GHR: variants seen among roughly 807,000 people sequenced by gnomAD.
GHR encodes the protein GH receptor.
GHR carries 35 observed loss-of-function variants against 67.1 expected under a neutral mutation model. The ratio of observed to expected loss-of-function variants is 0.52; its 90% CI spans 0.40 to 0.69. The LOEUF is 0.69. Among genes scored for constraint, GHR ranks in the 30% least tolerant of loss-of-function variants. The probability of loss-of-function intolerance (pLI) is 0.00; values close to 1 mark genes in which losing one functional copy is unlikely to be tolerated. For synonymous variants in GHR, 272 were observed against 269.1 expected (o/e 1.01, Z -0.10); for missense variants, 792 against 764.6 (o/e 1.04, Z -0.42).
intron 4 of GHR, among the ~76,000 whole-genome samples, chr5:42,690,967 AT>A (rs1757394389): frequency 1.3e-5 from 2 of 152,226 alleles, no homozygotes; most frequent in African/African-American, 4.8e-5. Context: ...TATGAAAATA[AT>A]TTTTTGCTAC....
intron 2 of GHR, among the ~76,000 whole-genome samples, chr5:42,606,308 G>C (rs1752627154): frequency 6.6e-6 from 1 of 152,158 alleles, no homozygotes; most frequent in Admixed American, 6.5e-5. Flanking sequence ...AGTCCACTTA[G>C]TAATGCTATA....
chr5:42,640,824 CT>C (rs1333372915), intron 3 of GHR, among the ~76,000 whole-genome samples: 3 of 151,788 alleles, frequency 2.0e-5, no homozygotes, highest in Non-Finnish European at 4.4e-5. Context: ...AAATACAAAA[CT>C]TAATTTTGCG....
intron 8 of GHR, 23 bp from the exon 9 acceptor site, chr5:42,718,029 C>T: frequency 1.4e-6 from 2 of 1,416,640 alleles, no homozygotes; most frequent in South Asian, 1.1e-5. Flanking sequence ...GATGTCAAAA[C>T]CAAAATTTTA....
intron 2 of GHR, among the ~76,000 whole-genome samples, chr5:42,568,697 C>T (rs1750092647): frequency 1.3e-5 from 2 of 152,150 alleles, no homozygotes; most frequent in Admixed American, 1.3e-4. Flanking sequence ...GTAGTTCAGT[C>T]TAGCTGGGAC....
At chr5:42,461,426 T>C (rs1485540496) in intron 1 of GHR, among the ~76,000 whole-genome samples, 1 of 152,250 alleles carries the variant, frequency 6.6e-6, no homozygotes, top group African/African-American at 2.4e-5. Flanking sequence ...ATCCTCCTTT[T>C]TGGCAGTGGC....
At chr5:42,459,129 A>G (rs2112035600) in intron 1 of GHR, among the ~76,000 whole-genome samples, 1 of 152,352 alleles carries the variant, frequency 6.6e-6, no homozygotes, top group East Asian at 1.9e-4. Context: ...TAGAATTACC[A>G]TTAGACCCAA....
At chr5:42,577,578 C>G (rs1037680190) in intron 2 of GHR, among the ~76,000 whole-genome samples, 2 of 152,148 alleles carry the variant, frequency 1.3e-5, no homozygotes, top group African/African-American at 4.8e-5. Flanking sequence ...ATTGAATGAA[C>G]TTGCTAGTTT....
At chr5:42,674,995 A>G (rs1756501402) in intron 3 of GHR, among the ~76,000 whole-genome samples, 2 of 152,142 alleles carry the variant, frequency 1.3e-5, no homozygotes, top group South Asian at 4.1e-4. Context: ...ATTACTTCAC[A>G]TCCTCTTGCT....
intron 1 of GHR, among the ~76,000 whole-genome samples, chr5:42,432,110 A>G (rs1743121463): frequency 6.6e-6 from 1 of 152,232 alleles, no homozygotes; most frequent in Non-Finnish European, 1.5e-5. Flanking sequence ...ATAAAATTAA[A>G]CATTTGAAGT....
At chr5:42,594,335 A>T (rs1751952215) in intron 2 of GHR, among the ~76,000 whole-genome samples, 1 of 152,214 alleles carries the variant, frequency 6.6e-6, no homozygotes, top group Non-Finnish European at 1.5e-5. Context: ...TCTTAGATCT[A>T]AATAACTCCA....
chr5:42,529,104 C>T lies in GHR; in HGVS notation c.-11-36760C>T, dbSNP rs60351196. On this transcript the variant is annotated intron_variant, in intron 1 of 9. Transcript: ENST00000230882. ...TTGGCTCACTGCAAGCTCTGCCTCC[C>T]GGGTTCACGCCATTCTCCTGCCTCA... Among the ~76,000 whole-genome samples, 1,382 of 151,614 alleles carry T rather than the reference C, an allele frequency of 9.1e-3. 24 individuals are homozygous for T. Among genetic ancestry groups the T allele is most frequent in the African/African-American group, 0.031 (1,271 of 41,286 alleles).
chr5:42,543,287 A>G (rs1469492692), intron 1 of GHR, among the ~76,000 whole-genome samples: 5 of 152,010 alleles, frequency 3.3e-5, no homozygotes, highest in Non-Finnish European at 7.4e-5. Flanking sequence ...CTACCTCTAC[A>G]CCAGCATTTA....
intron 2 of GHR, among the ~76,000 whole-genome samples, chr5:42,597,250 A>G (rs1015885714): frequency 6.6e-6 from 1 of 152,230 alleles, no homozygotes; most frequent in African/African-American, 2.4e-5. Flanking sequence ...ATACAGATGC[A>G]TAAGAGACAT....
In GHR at chr5:42,600,915, A is replaced by ATTTTT. The variant is rs1580026633; in HGVS notation, c.71-28121_71-28120insTTTTT. Among the ~76,000 whole-genome samples, 7 of 86,146 alleles carry ATTTTT rather than the reference A, an allele frequency of 8.1e-5. No individual in the cohort carries two copies. In the East Asian group the frequency reaches 2.3e-3, roughly 29 times the overall value. 56.5% of individuals were successfully genotyped at this position (86,146 alleles called of 152,430 possible). A position where few individuals can be genotyped will look rare whatever the true frequency, so the allele number is the denominator to read the frequency against. On this transcript the variant is annotated intron_variant, in intron 2 of 9. Transcript: ENST00000230882. Reference sequence around the variant, plus strand: ...CCAGAAATTAAAATCTATTCTTTCTATTCTTTTTTTTTTTTTTTTTTTTTT... The same window carrying ATTTTT: ...CCAGAAATTAAAATCTATTCTTTCTATTTTTTTCTTTTTTTTTTTTTTTTTTTTTT...
At chr5:42,470,211 ATATAT>A (rs767200585) in intron 1 of GHR, among the ~76,000 whole-genome samples, 8 of 147,754 alleles carry the variant, frequency 5.4e-5, no homozygotes, top group South Asian at 4.2e-4. Context: ...CTATAACATA[ATATAT>A]TATATATTTA....
At chr5:42,622,107 C>CTCA (rs1580073074) in intron 2 of GHR, among the ~76,000 whole-genome samples, 1 of 152,156 alleles carries the variant, frequency 6.6e-6, no homozygotes, top group East Asian at 1.9e-4. Flanking sequence ...AAGAGGATTG[C>CTCA]TGCCTGAGGA....
chr5:42,458,595 T>C (rs1394504357), intron 1 of GHR, among the ~76,000 whole-genome samples: 6 of 152,158 alleles, frequency 3.9e-5, no homozygotes. Context: ...AAAGATGTCA[T>C]GACAAAGATG....
At chr5:42,705,531 G>GTTT (rs1758134823) in intron 6 of GHR, among the ~76,000 whole-genome samples, 1 of 152,162 alleles carries the variant, frequency 6.6e-6, no homozygotes, top group Admixed American at 6.6e-5. Context: ...CCAGAAGGTA[G>GTTT]TTTTTTGATC....
Position 42,623,596 on chromosome 5 carries a change from G to A in GHR, c.71-5442G>A, listed in dbSNP as rs566315415. On this transcript the variant is annotated intron_variant, in intron 2 of 9. Transcript: ENST00000230882. ...CACATTACCCTTTATCCCAAATTTA[G>A]CACCTGTCTCAAGGAGTCACCTTCC... Among the ~76,000 whole-genome samples the A allele has an allele frequency of 1.1e-4, 16 of 152,092 alleles. No homozygotes were observed. In the South Asian group the frequency reaches 3.3e-3, roughly 32 times the overall value.
Sources: gnomAD v4.1 joint callset for allele counts (sites outside exome capture counted in the v4.1 genomes callset) on GRCh38, gnomAD v4.1.1 for gene constraint, MANE v1.5 for transcripts, NCBI Gene and HGNC (gene_info 2026-07-23, HGNC 2026-07-21) for gene names.